SUSD6: variants seen among roughly 807,000 people sequenced by gnomAD.
SUSD6 encodes sushi domain-containing protein 6.
A neutral mutation model predicts 28.4 loss-of-function variants in SUSD6; 16 were observed. The observed-to-expected ratio is 0.56, with a 90% CI of 0.38 to 0.86. The LOEUF (loss-of-function observed/expected upper bound fraction) is 0.86, where lower values mean the gene tolerates loss of function less well. Among genes scored for constraint, SUSD6 ranks in the 40% least tolerant of loss-of-function variants. SUSD6 has a pLI of 0.00. For missense variants in SUSD6, 341 were observed against 384.2 expected (o/e 0.89, Z 0.94); for synonymous variants, 147 against 159.6 (o/e 0.92, Z 0.59).
chr14:69,624,735 G>A (rs1432240313), intron 1 of SUSD6, among the ~76,000 whole-genome samples: 1 of 152,136 alleles, frequency 6.6e-6, no homozygotes, highest in Admixed American at 6.5e-5. Context: ...AATTACAGGC[G>A]TGAGCCACCG....
At chr14:69,703,825 G>A (rs1038572311) in intron 3 of SUSD6, 14 of 573,384 alleles carry the variant, frequency 2.4e-5, no homozygotes, top group South Asian at 1.8e-4. Context: ...TGTAAAGCCC[G>A]TTTGATGTTC....
intron 1 of SUSD6, among the ~76,000 whole-genome samples, chr14:69,616,789 AT>A (rs972857694): frequency 2.0e-5 from 3 of 151,630 alleles, no homozygotes; most frequent in Admixed American, 6.6e-5. Flanking sequence ...TCAGCTTTGT[AT>A]TTTTTTCACT....
chr14:69,685,184 G>A (rs561408752), intron 2 of SUSD6, among the ~76,000 whole-genome samples: 1 of 152,174 alleles, frequency 6.6e-6, no homozygotes, highest in African/African-American at 2.4e-5. Context: ...GTCCTTTTGT[G>A]GTGGGTGATT....
intron 1 of SUSD6, among the ~76,000 whole-genome samples, chr14:69,616,917 A>G (rs1407652374): frequency 3.9e-5 from 6 of 152,124 alleles, no homozygotes; most frequent in Non-Finnish European, 1.5e-5. Flanking sequence ...CAACATTTTC[A>G]TCACCCCAAA....
chr14:69,646,792 C>T (rs1407785514), intron 1 of SUSD6, among the ~76,000 whole-genome samples: 1 of 145,296 alleles, frequency 6.9e-6, no homozygotes, highest in African/African-American at 2.5e-5. Context: ...AGCTCTGCTT[C>T]CCAGGTTCAC....
intron 1 of SUSD6, 126 bp from the exon 2 acceptor site, chr14:69,658,387 G>C (rs77102062): frequency 0.014 from 8,090 of 578,076 alleles, 540 homozygotes; most frequent in African/African-American, 0.14. Context: ...CCTGGCAGCA[G>C]GGATTCGAAT....
At chr14:69,673,737 C>T (rs1410736835) in intron 2 of SUSD6, among the ~76,000 whole-genome samples, 3 of 152,050 alleles carry the variant, frequency 2.0e-5, no homozygotes, top group Non-Finnish European at 4.4e-5. Context: ...TCTGCATTTT[C>T]GGATGCCTTT....
intron 1 of SUSD6, among the ~76,000 whole-genome samples, chr14:69,641,319 T>G (rs1161869644): frequency 6.7e-6 from 1 of 148,746 alleles, no homozygotes. Context: ...TTGGAAAATT[T>G]GGGGCATTCT....
intron 1 of SUSD6, among the ~76,000 whole-genome samples, chr14:69,630,942 T>C (rs1007497868): frequency 2.0e-5 from 3 of 152,236 alleles, no homozygotes; most frequent in Non-Finnish European, 4.4e-5. Context: ...TTCTGAATTC[T>C]TGTTTTACTC....
chr14:69,670,574 C>T, intron 2 of SUSD6: 1 of 451,206 alleles, frequency 2.2e-6, no homozygotes, highest in Non-Finnish European at 4.5e-6. Context: ...GTGCCTTGGG[C>T]CAGACACGCT....
At chr14:69,677,284 G>T (rs960059780) in intron 2 of SUSD6, among the ~76,000 whole-genome samples, 5 of 152,186 alleles carry the variant, frequency 3.3e-5, no homozygotes, top group Non-Finnish European at 7.3e-5. Context: ...GGTGGCTTAC[G>T]CCTGTAATCC....
intron 1 of SUSD6, among the ~76,000 whole-genome samples, chr14:69,627,760 G>A (rs963899057): frequency 7.2e-5 from 11 of 152,050 alleles, no homozygotes; most frequent in South Asian, 6.2e-4. Flanking sequence ...CACCGTGCCC[G>A]GCCCAGATGG....
intron 2 of SUSD6, among the ~76,000 whole-genome samples, chr14:69,672,291 A>G (rs1188576164): frequency 1.3e-5 from 2 of 152,218 alleles, no homozygotes; most frequent in African/African-American, 2.4e-5. Context: ...GAAGGTGAGA[A>G]GAGAGAGGAG....
At chr14:69,676,023 T>C (rs192681855) in intron 2 of SUSD6, among the ~76,000 whole-genome samples, 1 of 152,356 alleles carries the variant, frequency 6.6e-6, no homozygotes, top group East Asian at 1.9e-4. Context: ...GAACCTATTA[T>C]GTATGCATTG....
rs201317264 is a variant in SUSD6, at chr14:69,642,548, A to C, written c.-80-15965A>C. On this transcript the variant is annotated intron_variant, in intron 1 of 5. Coordinates refer to ENST00000342745, the MANE Select transcript of SUSD6 (RefSeq NM_014734.4). ...GCAAGAGAAATGAGGAAGAAGCAAA[A>C]GTGGAAACCCCTGATAAACCCATCA... Among the ~76,000 whole-genome samples, 138 of 152,284 alleles carry C rather than the reference A, an allele frequency of 9.1e-4. 4 individuals are homozygous for C. In the East Asian group the frequency reaches 0.023, roughly 25 times the overall value.
chr14:69,678,325 T>C (rs1885944785), intron 2 of SUSD6, among the ~76,000 whole-genome samples: 1 of 148,532 alleles, frequency 6.7e-6, no homozygotes, highest in African/African-American at 2.4e-5. Flanking sequence ...TAACATAATT[T>C]ATAATTATAT....
chr14:69,649,953 A>G (rs1014622234), intron 1 of SUSD6, among the ~76,000 whole-genome samples: 1 of 152,198 alleles, frequency 6.6e-6, no homozygotes, highest in East Asian at 1.9e-4. Context: ...CTATTTAATG[A>G]GGTAATGAGT....
chr14:69,618,293 T>A (rs1311345393), intron 1 of SUSD6, among the ~76,000 whole-genome samples: 4 of 152,240 alleles, frequency 2.6e-5, no homozygotes, highest in Non-Finnish European at 5.9e-5. Context: ...ATGGATTTTA[T>A]GTTTAGACCA....
At chr14:69,689,221 C>A (rs1886118739) in intron 2 of SUSD6, among the ~76,000 whole-genome samples, 1 of 152,160 alleles carries the variant, frequency 6.6e-6, no homozygotes, top group East Asian at 1.9e-4. Flanking sequence ...TTCTGTAGCC[C>A]ATATTGATTT....
Sources: gnomAD v4.1 joint callset for allele counts (sites outside exome capture counted in the v4.1 genomes callset) on GRCh38, gnomAD v4.1.1 for gene constraint, MANE v1.5 for transcripts, NCBI Gene and HGNC (gene_info 2026-07-23, HGNC 2026-07-21) for gene names.